The following NAA38 variants were observed in gnomAD, a reference collection of about 807,000 sequenced individuals.
NAA38 encodes the protein LSM domain containing 1.
Under a neutral mutation model 12.6 loss-of-function variants are expected in NAA38, and 15 were observed. The observed-to-expected ratio is 1.19, with a 90% CI of 0.79 to 1.83. The LOEUF (loss-of-function observed/expected upper bound fraction) is 1.83. Ranked by LOEUF, NAA38 falls within the 40% of genes most tolerant of loss-of-function variation. The probability of loss-of-function intolerance (pLI) is 0.00; values close to 1 mark genes in which losing one functional copy is unlikely to be tolerated. For synonymous variants in NAA38, 88 were observed against 69.9 expected (o/e 1.26, Z -1.29); for missense variants, 183 against 171.7 (o/e 1.07, Z -0.37).
chr17:7,856,711 A>C lies in NAA38; in HGVS notation c.*20T>G, dbSNP rs889475739. 1 of 1,597,030 alleles carries C rather than the reference A, an allele frequency of 6.3e-7. No individual in the cohort carries two copies. The highest frequency in any genetic ancestry group is 8.6e-7 in the Non-Finnish European group (1 of 1,164,706). ...TCGGTCATAAGTTTAATGAAGTCTG[A>C]AAGGTAAGCGCCATCGTGGTCAGAG... On this transcript the variant is annotated 3_prime_UTR_variant, in exon 3 of 3. Transcript: ENST00000575771.
upstream of NAA38, chr17:7,858,080 G>C: frequency 1.2e-6 from 2 of 1,605,528 alleles, no homozygotes; most frequent in African/African-American, 2.7e-5. Flanking sequence ...TAGTGAGTAC[G>C]TGCTGAGGAG....
chr17:7,884,905 G>GGAGGAGGTGGAGGCGGCCGAC, intron 1 of NAA38: 1 of 1,411,190 alleles, frequency 7.1e-7, no homozygotes, highest in Non-Finnish European at 9.4e-7. Context: ...AGGAGGAGGA[G>GGAGGAGGTGGAGGCGGCCGAC]GAGGAGGTGG....
upstream of NAA38, chr17:7,858,480 G>C (rs201250527): frequency 4.0e-5 from 64 of 1,614,100 alleles, no homozygotes; most frequent in African/African-American, 1.3e-5. Flanking sequence ...GACCAGAGAC[G>C]TGAGTTATGC....
Position 7,856,824 on chromosome 17 carries a change from C to A in NAA38, c.285G>T (p.Glu95Asp). Residue 95 changes from glutamate to aspartate, a missense_variant, in exon 3 of 3, where the codon GAG becomes GAT. By Grantham distance (45) the Glu-to-Asp change is conservative. Transcript: ENST00000575771. ...CCATGGCCAGGCCCAGCACACGGGG[C>A]TCCCCGGCAGAGAAGGAATCTGGAA... is the stretch of plus-strand genomic sequence containing the variant. ...LKPSDSFSAG[E>D]PRVLGLAMVP... 3 of 1,613,854 alleles carry A rather than the reference C, an allele frequency of 1.9e-6. No individual in the cohort carries two copies. The highest frequency in any genetic ancestry group is 2.5e-6 in the Non-Finnish European group (3 of 1,180,004).
chr17:7,868,604 G>C (rs1464514519), intron 2 of NAA38, among the ~76,000 whole-genome samples: 2 of 152,204 alleles, frequency 1.3e-5, no homozygotes, highest in Non-Finnish European at 2.9e-5. Flanking sequence ...CTACCTTATA[G>C]TGTTGTTGAG....
chr17:7,871,272 T>C (rs1050827873), intron 2 of NAA38, among the ~76,000 whole-genome samples: 4 of 152,248 alleles, frequency 2.6e-5, no homozygotes, highest in African/African-American at 7.2e-5. Flanking sequence ...CTTTGTCTGT[T>C]TTCTCATCTG....
chr17:7,874,692 C>G (rs1014028426), intron 2 of NAA38, among the ~76,000 whole-genome samples: 2 of 151,324 alleles, frequency 1.3e-5, no homozygotes, highest in Non-Finnish European at 2.9e-5. Flanking sequence ...TTGAGACCAG[C>G]CTGGCCAACA....
At position 7,857,216 on chromosome 17, in the gene NAA38, A is replaced by T; in HGVS notation, c.82-18T>A. 6.2e-7 allele frequency: 1 copy of T among 1,612,696 alleles called. No homozygotes were observed. Among genetic ancestry groups the T allele is most frequent in the Middle Eastern group, 1.7e-4 (1 of 6,046 alleles). On this transcript the variant is annotated intron_variant, in intron 1 of 2. Transcript: ENST00000575771. ...TCCGAATCCTGCGCGGGGTGTAACA[A>T]GCGCTCAGACCGCGCAGCCCAGGCT... is the stretch of plus-strand genomic sequence containing the variant.
At chr17:7,857,586 A>G (rs1191309842), upstream of NAA38, 25 of 1,388,772 alleles carry the variant, frequency 1.8e-5, no homozygotes, top group Non-Finnish European at 2.3e-5. Context: ...TCCCCCTCCT[A>G]GTCTCCTCGG....
At chr17:7,867,389 A>C (rs529197563) in intron 2 of NAA38, among the ~76,000 whole-genome samples, 2 of 152,164 alleles carry the variant, frequency 1.3e-5, no homozygotes, top group South Asian at 4.2e-4. Flanking sequence ...CCCAGGCTGG[A>C]GTGCAATGGC....
rs770799454 is a variant in NAA38, at chr17:7,857,231, C to T, written c.82-33G>A. The T allele has an allele frequency of 9.9e-6, 16 of 1,611,370 alleles. No individual in the cohort carries two copies. The South Asian group carries it at 1.8e-4, about 18-fold the overall frequency. On this transcript the variant is annotated intron_variant, in intron 1 of 2. Coordinates refer to ENST00000575771, the MANE Select transcript of NAA38 (RefSeq NM_001320925.4). ...GGGTGTAACAAGCGCTCAGACCGCG[C>T]AGCCCAGGCTGCCCGCCCGCGGAAC...
intron 3 of NAA38, chr17:7,866,129 C>G (rs564672412): frequency 1.2e-5 from 2 of 166,108 alleles, no homozygotes; most frequent in African/African-American, 4.9e-5. Flanking sequence ...CTCTGTTGCC[C>G]AGGCTGGAGT....
At chr17:7,872,549 G>A (rs960814377) in intron 2 of NAA38, among the ~76,000 whole-genome samples, 1 of 152,182 alleles carries the variant, frequency 6.6e-6, no homozygotes, top group Non-Finnish European at 1.5e-5. Flanking sequence ...TTTTAATAGA[G>A]ACGGGGTTTC....
At chr17:7,879,035 A>G (rs1220192381) in intron 2 of NAA38, among the ~76,000 whole-genome samples, 4 of 151,560 alleles carry the variant, frequency 2.6e-5, no homozygotes, top group African/African-American at 9.7e-5. Context: ...TATTTATTCT[A>G]TGTAAAAATA....
At position 7,884,446 on chromosome 17, in the gene NAA38, T is replaced by TTATATATATATATA. The variant is rs1476315958; in HGVS notation, c.-167+718_-167+719insTATATATATATATA. ...GGGGGCAGAGAGAAGTCGAAAACTT[T>TTATATATATATATA]TATATATATACATATATATATATAT... is the stretch of plus-strand genomic sequence containing the variant. On this transcript the variant is annotated intron_variant, in intron 1 of 4. Transcript: ENST00000576861. 1.2e-4 allele frequency among the ~76,000 whole-genome samples: 12 copies of TTATATATATATATA among 102,288 alleles called. No homozygotes were observed. In the East Asian group the frequency reaches 5.4e-3, roughly 46 times the overall value. 67.1% of individuals were successfully genotyped at this position (102,288 alleles called of 152,430 possible).
intron 2 of NAA38, chr17:7,876,962 AATT>A (rs760222926): frequency 7.2e-5 from 16 of 221,330 alleles, no homozygotes; most frequent in Non-Finnish European, 1.2e-4. Flanking sequence ...CTCATATTTT[AATT>A]ATTCTTTAAA....
intron 2 of NAA38, among the ~76,000 whole-genome samples, chr17:7,875,636 G>C (rs1226066379): frequency 6.6e-6 from 1 of 152,032 alleles, no homozygotes; most frequent in East Asian, 1.9e-4. Context: ...TGTATTGGCT[G>C]GTTTGTATTA....
intron 2 of NAA38, among the ~76,000 whole-genome samples, chr17:7,877,521 T>C (rs2151392181): frequency 6.6e-6 from 1 of 152,284 alleles, no homozygotes; most frequent in East Asian, 1.9e-4. Flanking sequence ...TGTGCCCCAG[T>C]AACTCCTTTT....
chr17:7,861,384 T>C (rs962134407), upstream of NAA38: 1 of 152,180 alleles, frequency 6.6e-6, no homozygotes, highest in Non-Finnish European at 1.5e-5. Context: ...TCTAACCCCA[T>C]GGAATGCAGG....
Sources: allele counts gnomAD v4.1 joint callset (sites outside exome capture counted in the v4.1 genomes callset), GRCh38; gene constraint gnomAD v4.1.1; transcripts MANE v1.5; gene names NCBI Gene and HGNC (gene_info 2026-07-23, HGNC 2026-07-21).